The following NKAIN3 variants were observed in gnomAD, a reference collection of about 807,000 sequenced individuals.
The protein encoded by NKAIN3 is sodium/potassium transporting ATPase interacting 3, also known as sodium/potassium-transporting ATPase subunit beta-1-interacting protein 3.
A neutral mutation model predicts 30.2 loss-of-function variants in NKAIN3; 25 were observed. The ratio of observed to expected loss-of-function variants is 0.83; its 90% CI spans 0.60 to 1.16. The LOEUF (loss-of-function observed/expected upper bound fraction) is 1.16, where lower values mean the gene tolerates loss of function less well. Among genes scored for constraint, NKAIN3 ranks in the 50% most tolerant of loss-of-function variants. NKAIN3 has a pLI of 0.00. For synonymous variants in NKAIN3, 91 were observed against 89.6 expected, an observed-to-expected ratio of 1.02 and a Z score of -0.09; for missense variants, 225 against 254.1, an observed-to-expected ratio of 0.89 and a Z score of 0.78.
At chr8:62,700,848 T>C (rs904192016) in intron 3 of NKAIN3, among the ~76,000 whole-genome samples, 11 of 152,234 alleles carry the variant, frequency 7.2e-5, no homozygotes, top group Admixed American at 7.2e-4. Context: ...GACCATATTT[T>C]CTAAGCTGAA....
intron 1 of NKAIN3, among the ~76,000 whole-genome samples, chr8:62,366,419 G>T (rs1287375019): frequency 6.6e-6 from 1 of 151,964 alleles, no homozygotes; most frequent in Admixed American, 6.6e-5. Flanking sequence ...TAGAGACAGG[G>T]TTTCACTATG....
chr8:62,276,824 A>G (rs1485214059), intron 1 of NKAIN3, among the ~76,000 whole-genome samples: 1 of 152,206 alleles, frequency 6.6e-6, no homozygotes, highest in Non-Finnish European at 1.5e-5. Context: ...TAAGTCAAAC[A>G]TTGCATTAAA....
At chr8:62,743,597 C>G (rs926273072) in intron 3 of NKAIN3, among the ~76,000 whole-genome samples, 6 of 152,158 alleles carry the variant, frequency 3.9e-5, no homozygotes, top group Admixed American at 1.3e-4. Flanking sequence ...AGAACAGACT[C>G]AGGCATGGTG....
chr8:62,591,559 C>T (rs180855414), intron 3 of NKAIN3, among the ~76,000 whole-genome samples: 58 of 152,034 alleles, frequency 3.8e-4, no homozygotes, highest in African/African-American at 1.2e-3. Context: ...ATTTTTGTAA[C>T]TGCTTTTCTA....
chr8:62,665,153 G>GCACATA (rs1259755460), intron 3 of NKAIN3, among the ~76,000 whole-genome samples: 1 of 152,146 alleles, frequency 6.6e-6, no homozygotes, highest in East Asian at 1.9e-4. Flanking sequence ...AAATTCACAT[G>GCACATA]CACATACACA....
At chr8:62,780,053 C>G (rs1354889221) in intron 4 of NKAIN3, among the ~76,000 whole-genome samples, 2 of 151,882 alleles carry the variant, frequency 1.3e-5, no homozygotes, top group African/African-American at 4.8e-5. Flanking sequence ...TGATAAACTG[C>G]TACCCTACAA....
chr8:62,462,061 G>A (rs929909340), intron 1 of NKAIN3, among the ~76,000 whole-genome samples: 18 of 151,976 alleles, frequency 1.2e-4, no homozygotes, highest in Non-Finnish European at 2.5e-4. Flanking sequence ...AAGACCAAGA[G>A]AGAATTTTGA....
chr8:62,934,494 G>C (rs1369104408), intron 5 of NKAIN3, among the ~76,000 whole-genome samples: 1 of 152,092 alleles, frequency 6.6e-6, no homozygotes, highest in African/African-American at 2.4e-5. Context: ...GTGAGAGCTG[G>C]TGTGTTACAG....
intron 1 of NKAIN3, among the ~76,000 whole-genome samples, chr8:62,415,197 GTA>G (rs1473282683): frequency 2.2e-5 from 3 of 136,188 alleles, no homozygotes; most frequent in African/African-American, 8.2e-5. Flanking sequence ...ATATACTATA[GTA>G]TATATATTAT....
chr8:62,556,408 A>G (rs1809387245), intron 1 of NKAIN3, among the ~76,000 whole-genome samples: 1 of 151,748 alleles, frequency 6.6e-6, no homozygotes, highest in Non-Finnish European at 1.5e-5. Context: ...AAGGACATAA[A>G]GTAGAAAAAA....
At chr8:62,730,168 C>T (rs766455608) in intron 3 of NKAIN3, among the ~76,000 whole-genome samples, 18 of 151,894 alleles carry the variant, frequency 1.2e-4, no homozygotes, top group Non-Finnish European at 1.8e-4. Context: ...ACATGTACTT[C>T]TAATATCCTT....
At chr8:62,258,686 A>G (rs965800094) in intron 1 of NKAIN3, among the ~76,000 whole-genome samples, 1 of 152,130 alleles carries the variant, frequency 6.6e-6, no homozygotes, top group South Asian at 2.1e-4. Context: ...AAAAAGAATA[A>G]GGTTTACAAG....
chr8:62,605,227 C>G (rs1811088615), intron 3 of NKAIN3, among the ~76,000 whole-genome samples: 1 of 151,984 alleles, frequency 6.6e-6, no homozygotes, highest in African/African-American at 2.4e-5. Context: ...GGCTGTATTC[C>G]TTTTTGGAGG....
intron 4 of NKAIN3, among the ~76,000 whole-genome samples, chr8:62,912,824 C>T (rs187462710): frequency 4.9e-4 from 75 of 152,034 alleles, no homozygotes; most frequent in African/African-American, 1.8e-3. Flanking sequence ...CAGGAGAATC[C>T]CCTGAACCCA....
chr8:62,333,190 C>G (rs1208212243), intron 1 of NKAIN3, among the ~76,000 whole-genome samples: 1 of 152,038 alleles, frequency 6.6e-6, no homozygotes, highest in Admixed American at 6.6e-5. Context: ...GATAGAGTTA[C>G]CTGTCTCTAA....
chr8:62,282,818 T>A (rs1165850046), intron 1 of NKAIN3, among the ~76,000 whole-genome samples: 1 of 152,208 alleles, frequency 6.6e-6, no homozygotes, highest in Non-Finnish European at 1.5e-5. Flanking sequence ...GGGCCTGAAC[T>A]AAACCAAGAT....
rs1022543086 is a variant in NKAIN3 at position 62,741,432 on chromosome 8, C to A, written c.274-5500C>A. ...GAAGGAAGGAAGGAAGGCAGGCAAG[C>A]AAGCAAGCACACTCCAACCTTCCTA... On this transcript the variant is annotated intron_variant, in intron 3 of 6. Coordinates refer to ENST00000623646, the MANE Select transcript of NKAIN3 (RefSeq NM_001304533.3). Among the ~76,000 whole-genome samples the A allele has an allele frequency of 8.2e-4, 122 of 149,540 alleles. 1 individual carries two copies. The highest frequency in any genetic ancestry group is 2.7e-3 in the African/African-American group (106 of 39,178).
At chr8:62,277,796 G>A (rs80282321) in intron 1 of NKAIN3, among the ~76,000 whole-genome samples, 2,201 of 152,302 alleles carry the variant, frequency 0.014, 49 homozygotes, top group African/African-American at 0.048. Flanking sequence ...CAAGGATGAA[G>A]TCGGTGGTTT....
chr8:62,799,374 A>G (rs1747883181), intron 4 of NKAIN3, among the ~76,000 whole-genome samples: 1 of 152,232 alleles, frequency 6.6e-6, no homozygotes, highest in Non-Finnish European at 1.5e-5. Context: ...TGCATCAAAA[A>G]GTAGGCTAAG....
Sources: gnomAD v4.1 joint callset for allele counts (sites outside exome capture counted in the v4.1 genomes callset) on GRCh38, gnomAD v4.1.1 for gene constraint, MANE v1.5 for transcripts, NCBI Gene and HGNC (gene_info 2026-07-23, HGNC 2026-07-21) for gene names.